The following PNLIPRP3 variants were observed in gnomAD, a reference collection of about 807,000 sequenced individuals.
PNLIPRP3 encodes pancreatic lipase related protein 3.
Under a neutral mutation model 52.8 loss-of-function variants are expected in PNLIPRP3, and 58 were observed. The observed-to-expected ratio is 1.10, with a 90% CI of 0.89 to 1.37. PNLIPRP3 has a LOEUF of 1.37. Among genes scored for constraint, PNLIPRP3 ranks in the 40% most tolerant of loss-of-function variants. The pLI is 0.00. For synonymous variants in PNLIPRP3, 192 were observed against 185.0 expected, an observed-to-expected ratio of 1.04 and a Z score of -0.31; for missense variants, 593 against 561.6, an observed-to-expected ratio of 1.06 and a Z score of -0.57.
intron 5 of PNLIPRP3, 91 bp from the exon 6 acceptor site, chr10:116,460,875 G>T: frequency 6.7e-7 from 1 of 1,501,760 alleles, no homozygotes; most frequent in African/African-American, 1.4e-5. Flanking sequence ...TTGATTGATA[G>T]AAATAATGTA....
intron 7 of PNLIPRP3, among the ~76,000 whole-genome samples, chr10:116,462,017 T>C (rs1846199395): frequency 6.6e-6 from 1 of 152,108 alleles, no homozygotes; most frequent in Non-Finnish European, 1.5e-5. Context: ...CACAGGACTT[T>C]GTGGATGGTA....
At chr10:116,458,421 C>T (rs1424165084) in intron 5 of PNLIPRP3, among the ~76,000 whole-genome samples, 9 of 150,412 alleles carry the variant, frequency 6.0e-5, no homozygotes, top group Non-Finnish European at 1.3e-4. Context: ...ATTCAATGTT[C>T]CCTCTTCCTT....
chr10:116,451,826 CA>C (rs1336909744), intron 4 of PNLIPRP3, among the ~76,000 whole-genome samples: 1 of 120,980 alleles, frequency 8.3e-6, no homozygotes, highest in Non-Finnish European at 1.9e-5. Flanking sequence ...CATAGCAACA[CA>C]AGAATGAACT....
chr10:116,460,226 G>A (rs145911937), intron 5 of PNLIPRP3, among the ~76,000 whole-genome samples: 54 of 152,300 alleles, frequency 3.5e-4, no homozygotes, highest in African/African-American at 1.2e-3. Context: ...TGAAGACAAA[G>A]CAAGGTCTTA....
chr10:116,455,352 T>C (rs201041793), intron 4 of PNLIPRP3, among the ~76,000 whole-genome samples: 2 of 2,406 alleles, frequency 8.3e-4, no homozygotes, highest in Non-Finnish European at 0.012. Context: ...GGTGGATAAC[T>C]GTAGGAATGA....
At chr10:116,451,010 A>C in intron 4 of PNLIPRP3, among the ~76,000 whole-genome samples, 1 of 152,190 alleles carries the variant, frequency 6.6e-6, no homozygotes, top group East Asian at 1.9e-4. Flanking sequence ...AGAAGAACTA[A>C]GCTGGAATCA....
intron 5 of PNLIPRP3, 66 bp from the exon 6 acceptor site, chr10:116,460,900 C>T (rs1277230160): frequency 1.3e-6 from 2 of 1,569,380 alleles, no homozygotes; most frequent in Non-Finnish European, 1.7e-6. Flanking sequence ...AGGACACATG[C>T]TTCCAAAGTA....
chr10:116,458,268 C>T (rs143439064), intron 5 of PNLIPRP3, among the ~76,000 whole-genome samples: 11 of 152,280 alleles, frequency 7.2e-5, no homozygotes, highest in East Asian at 1.9e-4. Flanking sequence ...CACATACATA[C>T]TACACACTCA....
intron 4 of PNLIPRP3, among the ~76,000 whole-genome samples, chr10:116,454,774 A>G: frequency 6.6e-6 from 1 of 152,150 alleles, no homozygotes; most frequent in East Asian, 1.9e-4. Flanking sequence ...CATTTTCTTT[A>G]TCCATTAATT....
At chr10:116,435,476 A>G (rs1034812307) in intron 1 of PNLIPRP3, among the ~76,000 whole-genome samples, 10 of 151,838 alleles carry the variant, frequency 6.6e-5, no homozygotes, top group Non-Finnish European at 1.5e-4. Context: ...AACAAAAAAC[A>G]AAACAGTGTA....
chr10:116,450,817 T>C (rs947977476), intron 4 of PNLIPRP3, among the ~76,000 whole-genome samples: 2 of 152,106 alleles, frequency 1.3e-5, no homozygotes, highest in Non-Finnish European at 2.9e-5. Flanking sequence ...AAAAACATCC[T>C]GTGTTCATGA....
At chr10:116,461,493 C>T (rs113101562) in intron 7 of PNLIPRP3, among the ~76,000 whole-genome samples, 3 of 152,200 alleles carry the variant, frequency 2.0e-5, no homozygotes, top group African/African-American at 7.2e-5. Flanking sequence ...ATCCCTGGTG[C>T]CTTATCAATC....
At position 116,436,738 on chromosome 10, in the gene PNLIPRP3, G is replaced by C; in HGVS notation, c.77G>C (p.Gly26Ala). 2 of 1,612,410 alleles carry C rather than the reference G, an allele frequency of 1.2e-6. No homozygotes were observed. Among genetic ancestry groups the C allele is most frequent in the Non-Finnish European group, 1.7e-6 (2 of 1,179,026 alleles). Residue 26 changes from glycine to alanine, a missense_variant, in exon 2 of 12, where the codon GGG becomes GCG. Coordinates refer to ENST00000369230, the MANE Select transcript of PNLIPRP3 (RefSeq NM_001011709.3). Reference sequence around the variant, plus strand: ...AAAGAAGTTTGCTATGAAAGGTTAGGGTGTTTCAAAGATGGTTTACCATGG... The same window carrying C: ...AAAGAAGTTTGCTATGAAAGGTTAGCGTGTTTCAAAGATGGTTTACCATGG... The part of the protein sequence containing the change: ...RGKEVCYERL[G>A]CFKDGLPWTR...
chr10:116,461,259 A>G lies in PNLIPRP3; in HGVS notation c.777A>G (p.Leu259=). ...GATGTGAAGACTTAATTACACCTTT[A>G]CTGAAATTTAACTTCAATGCTTACA... ...MPGCEDLITP[L]LKFNFNAYKK... The change falls in exon 7 of 12, where the codon TTA becomes TTG. Residue 259 remains leucine, a synonymous_variant. Coordinates refer to ENST00000369230, the MANE Select transcript of PNLIPRP3 (RefSeq NM_001011709.3). 6.2e-7 allele frequency: 1 copy of G among 1,613,276 alleles called. No homozygotes were observed. Among genetic ancestry groups the G allele is most frequent in the East Asian group, 2.2e-5 (1 of 44,878 alleles).
At chr10:116,443,575 T>C (rs936750510) in intron 3 of PNLIPRP3, among the ~76,000 whole-genome samples, 1 of 149,576 alleles carries the variant, frequency 6.7e-6, no homozygotes, top group African/African-American at 2.4e-5. Context: ...ATAACATTAG[T>C]ACCTATCTCA....
chr10:116,473,013 T>C (rs1345366937), intron 10 of PNLIPRP3, among the ~76,000 whole-genome samples: 4 of 152,346 alleles, frequency 2.6e-5, no homozygotes, highest in Non-Finnish European at 5.9e-5. Context: ...GGTAAAGCTG[T>C]GTGATTTGTG....
rs187522004 is a variant in PNLIPRP3, at chr10:116,474,495, C to T, written c.1173-2157C>T. Reference sequence around the variant, plus strand: ...GCTTCGACACAGCAAAACAAACTATCAACAGAGTGAACAGACAACCTACAG... The same window carrying T: ...GCTTCGACACAGCAAAACAAACTATTAACAGAGTGAACAGACAACCTACAG... On this transcript the variant is annotated intron_variant, in intron 10 of 11. Coordinates refer to ENST00000369230, the MANE Select transcript of PNLIPRP3 (RefSeq NM_001011709.3). 3.2e-3 allele frequency among the ~76,000 whole-genome samples: 487 copies of T among 152,308 alleles called. 2 individuals carry two copies. The highest frequency in any genetic ancestry group is 0.011 in the African/African-American group (469 of 41,562).
At chr10:116,447,387 T>G (rs1377356873) in intron 4 of PNLIPRP3, among the ~76,000 whole-genome samples, 1 of 152,174 alleles carries the variant, frequency 6.6e-6, no homozygotes, top group Non-Finnish European at 1.5e-5. Flanking sequence ...GGCTATTTTT[T>G]CTAATGTGCA....
intron 7 of PNLIPRP3, among the ~76,000 whole-genome samples, chr10:116,461,492 G>A (rs1846192256): frequency 6.6e-6 from 1 of 152,146 alleles, no homozygotes; most frequent in Non-Finnish European, 1.5e-5. Flanking sequence ...TATCCCTGGT[G>A]CCTTATCAAT....
Sources: gnomAD v4.1 joint callset for allele counts (sites outside exome capture counted in the v4.1 genomes callset) on GRCh38, gnomAD v4.1.1 for gene constraint, MANE v1.5 for transcripts, NCBI Gene and HGNC (gene_info 2026-07-23, HGNC 2026-07-21) for gene names.